Variants in NHSL2 observed in about 807,000 individuals in gnomAD.
NHSL2 encodes the protein NHS like 2, also known as NHS-like protein 2.
A neutral mutation model predicts 53.4 loss-of-function variants in NHSL2; 27 were observed. That is an observed-to-expected ratio of 0.51 (90% CI 0.37 to 0.70). NHSL2 has a LOEUF of 0.70. Ranked by LOEUF, NHSL2 falls within the 30% of genes least tolerant of loss-of-function variation. NHSL2 has a pLI of 0.00. For missense variants in NHSL2, 892 were observed against 980.1 expected (o/e 0.91, Z 1.20); for synonymous variants, 408 against 404.1 (o/e 1.01, Z -0.12).
chrX:72,075,163 G>T (rs933653131), intron 1 of NHSL2, among the ~76,000 whole-genome samples: 15 of 111,857 alleles, frequency 1.3e-4, no homozygotes, highest in African/African-American at 4.2e-4. Flanking sequence ...TTGAACTCAA[G>T]TTCAGATCCT....
At chrX:71,954,476 G>A (rs2041834124) in intron 1 of NHSL2, among the ~76,000 whole-genome samples, 1 of 112,189 alleles carries the variant, frequency 8.9e-6, no homozygotes, top group Non-Finnish European at 1.9e-5. Context: ...TTTCTCTTTT[G>A]CCTGCAACAA....
intron 1 of NHSL2, among the ~76,000 whole-genome samples, chrX:72,077,245 C>T (rs973875185): frequency 2.7e-5 from 3 of 110,653 alleles, no homozygotes; most frequent in Non-Finnish European, 5.7e-5. Context: ...CTTCACACTC[C>T]CCCCACCTCC....
At chrX:71,993,914 C>T (rs2042038576) in intron 1 of NHSL2, among the ~76,000 whole-genome samples, 2 of 110,587 alleles carry the variant, frequency 1.8e-5, no homozygotes, top group Non-Finnish European at 1.9e-5. Context: ...CTGCAAGCCA[C>T]ATTCAGCCTT....
chrX:71,970,031 G>T (rs1419277816), intron 1 of NHSL2, among the ~76,000 whole-genome samples: 1 of 111,939 alleles, frequency 8.9e-6, no homozygotes, highest in African/African-American at 3.2e-5. Context: ...ATCAGCGTGT[G>T]GTTTTGGCCC....
intron 1 of NHSL2, among the ~76,000 whole-genome samples, chrX:71,924,615 A>G (rs1360606595): frequency 8.9e-6 from 1 of 112,221 alleles, no homozygotes; most frequent in African/African-American, 3.2e-5. Flanking sequence ...AAAGGTTGTG[A>G]GGATTTGGAA....
In NHSL2 at chrX:71,979,715, T is replaced by C. The variant is rs766668291; in HGVS notation, c.280+68348T>C. Among the ~76,000 whole-genome samples, 133 of 112,103 alleles carry C rather than the reference T, an allele frequency of 1.2e-3. 1 individual carries two copies. Among genetic ancestry groups the C allele is most frequent in the Non-Finnish European group, 1.9e-3 (99 of 53,221 alleles). On this transcript the variant is annotated intron_variant, in intron 1 of 7. Coordinates refer to ENST00000633930, the MANE Select transcript of NHSL2 (RefSeq NM_001013627.3). ...ATTTTTTCCCATTCTGTAGGTTGCC[T>C]GTTCACTCTGATGGTATTTTCTTTT...
chrX:72,119,788 A>G (rs893868893), intron 1 of NHSL2, among the ~76,000 whole-genome samples: 1 of 112,036 alleles, frequency 8.9e-6, no homozygotes, highest in Non-Finnish European at 1.9e-5. Flanking sequence ...ATAATGTTGA[A>G]CAGAAGTAGG....
chrX:71,941,897 A>C (rs1406112402), intron 1 of NHSL2, among the ~76,000 whole-genome samples: 2 of 111,599 alleles, frequency 1.8e-5, no homozygotes, highest in Non-Finnish European at 3.8e-5. Context: ...CCTTTGGAGT[A>C]CTGAGTCTGC....
chrX:72,080,489 A>C (rs2041781597), intron 1 of NHSL2, among the ~76,000 whole-genome samples: 1 of 110,689 alleles, frequency 9.0e-6, no homozygotes, highest in African/African-American at 3.3e-5. Context: ...TGGCTTTGGA[A>C]GACAGGGTGG....
At chrX:72,017,387 C>T (rs2042140090) in intron 1 of NHSL2, among the ~76,000 whole-genome samples, 1 of 112,960 alleles carries the variant, frequency 8.9e-6, no homozygotes, top group South Asian at 3.6e-4. Flanking sequence ...GTGCTCGCAG[C>T]CAGCTGCACA....
intron 1 of NHSL2, among the ~76,000 whole-genome samples, chrX:72,076,179 T>C (rs971549786): frequency 3.6e-5 from 4 of 111,314 alleles, no homozygotes; most frequent in Non-Finnish European, 7.5e-5. Context: ...GTGATCTGCC[T>C]GCCTTGGCCT....
At chrX:71,996,181 G>A (rs764878508) in intron 1 of NHSL2, among the ~76,000 whole-genome samples, 6 of 113,371 alleles carry the variant, frequency 5.3e-5, no homozygotes, top group Non-Finnish European at 1.1e-4. Flanking sequence ...TGGGGGCCTG[G>A]CCAACTGGGC....
At position 72,144,350 on chromosome X, in the gene NHSL2, C is replaced by G. The variant is rs2042444936; in HGVS notation, c.*776C>G. On this transcript the variant is annotated 3_prime_UTR_variant, in exon 8 of 8. Transcript: ENST00000633930. ...CAAACAAGACAGCCATTTGTTCACT[C>G]AGATCTAGCCGAGGTAACTCACAAG... 3.6e-6 allele frequency: 1 copy of G among 275,450 alleles called. No homozygotes were observed. Among genetic ancestry groups the G allele is most frequent in the Non-Finnish European group, 6.6e-6 (1 of 151,720 alleles). 22.7% of individuals were successfully genotyped at this position (275,450 alleles called of 1,213,427 possible). A position where few individuals can be genotyped will look rare whatever the true frequency, so the allele number is the denominator to read the frequency against.
In NHSL2 at chrX:71,911,361, G is replaced by A. The variant is rs1602254673; in HGVS notation, c.274G>A (p.Glu92Lys). The A allele has an allele frequency of 9.3e-7, 1 of 1,080,120 alleles. No homozygotes were observed. Among genetic ancestry groups the A allele is most frequent in the Non-Finnish European group, 1.2e-6 (1 of 832,978 alleles). The allele number at this position is 1,080,120 out of a possible 1,213,427, so 89.0% of individuals were successfully genotyped here. ...GCTTGGCCCGGAGGAGGACGAGGAA[G>A]AGCTAGGTAAAAACGGCGCCCCGGT... ...RLLGPEEDEEELAAANSGREN... is the reference protein window; with the variant it reads ...RLLGPEEDEEKLAAANSGREN... Residue 92 changes from glutamate to lysine, a missense_variant, in exon 1 of 8, where the codon GAG becomes AAG. Coordinates refer to ENST00000633930, the MANE Select transcript of NHSL2 (RefSeq NM_001013627.3).
chrX:71,981,276 C>T (rs1401646365), intron 1 of NHSL2, among the ~76,000 whole-genome samples: 2 of 112,638 alleles, frequency 1.8e-5, no homozygotes, highest in African/African-American at 3.2e-5. Context: ...TGGCCAGGTA[C>T]AGTGGCTCAC....
chrX:72,038,919 T>C (rs2042255839), intron 1 of NHSL2, among the ~76,000 whole-genome samples: 1 of 111,142 alleles, frequency 9.0e-6, no homozygotes. Flanking sequence ...AGAGGGTGAT[T>C]AGCTGTGAGA....
intron 1 of NHSL2, among the ~76,000 whole-genome samples, chrX:72,025,429 C>T: frequency 8.9e-6 from 1 of 111,822 alleles, no homozygotes; most frequent in East Asian, 2.8e-4. Context: ...TCTCACCTCA[C>T]CCTCCCAACT....
In NHSL2 at chrX:72,139,384, G is replaced by A. The variant is rs776900006; in HGVS notation, c.1836G>A (p.Ser612=). The change falls in exon 6 of 8, where the codon TCG becomes TCA. Residue 612 remains serine, a synonymous_variant. Transcript: ENST00000633930. ...CLSLEHQGHH[S]SHPDAQGHPA... Reference sequence around the variant, plus strand: ...CCTTGGAACATCAAGGACATCACTCGTCCCACCCAGATGCTCAGGGTCACC... The same window carrying A: ...CCTTGGAACATCAAGGACATCACTCATCCCACCCAGATGCTCAGGGTCACC... The A allele has an allele frequency of 1.2e-5, 15 of 1,208,520 alleles. No individual in the cohort carries two copies. Among genetic ancestry groups the A allele is most frequent in the East Asian group, 1.2e-4 (4 of 33,725 alleles).
At chrX:72,062,335 T>C (rs1291377833) in intron 1 of NHSL2, among the ~76,000 whole-genome samples, 1 of 112,582 alleles carries the variant, frequency 8.9e-6, no homozygotes, top group Non-Finnish European at 1.9e-5. Context: ...CATGTTTGTT[T>C]ATGTTTTAAA....
Sources: allele counts gnomAD v4.1 joint callset (sites outside exome capture counted in the v4.1 genomes callset), GRCh38; gene constraint gnomAD v4.1.1; transcripts MANE v1.5; gene names NCBI Gene and HGNC (gene_info 2026-07-23, HGNC 2026-07-21).